The following SPIRE1 variants were observed in gnomAD, a reference collection of about 807,000 sequenced individuals.
The protein encoded by SPIRE1 is spire type actin nucleation factor 1.
In SPIRE1, 40 loss-of-function variants were observed where a neutral mutation model predicts 94.1. The observed-to-expected ratio is 0.43, with a 90% CI of 0.33 to 0.55. SPIRE1 has a LOEUF of 0.55. SPIRE1 is among the 20% of genes least tolerant of loss of function. The pLI, the probability that SPIRE1 is intolerant of heterozygous loss-of-function variation, is 0.06. For synonymous variants in SPIRE1, 376 were observed against 371.7 expected (o/e 1.01, Z -0.13); for missense variants, 838 against 975.2 (o/e 0.86, Z 1.87).
intron 5 of SPIRE1, among the ~76,000 whole-genome samples, chr18:12,508,673 T>C (rs2033919588): frequency 6.6e-6 from 1 of 151,598 alleles, no homozygotes; most frequent in South Asian, 2.1e-4. Context: ...CAAACACACT[T>C]GGTTTTTTTT....
At chr18:12,500,364 T>C (rs943740229) in intron 6 of SPIRE1, among the ~76,000 whole-genome samples, 9 of 152,148 alleles carry the variant, frequency 5.9e-5, no homozygotes. Flanking sequence ...AAAACATATA[T>C]GACATTGTGA....
intron 2 of SPIRE1, among the ~76,000 whole-genome samples, chr18:12,576,781 T>C (rs1041979451): frequency 1.4e-5 from 2 of 147,924 alleles, no homozygotes; most frequent in African/African-American, 2.5e-5. Flanking sequence ...TCCAGCTACT[T>C]GGGAGGTTGA....
rs72881159 is a variant in SPIRE1, at chr18:12,653,669, C to T, written c.337+3861G>A. Among the ~76,000 whole-genome samples, 703 of 152,254 alleles carry T rather than the reference C, an allele frequency of 4.6e-3. 4 individuals are homozygous for T. Among genetic ancestry groups the T allele is most frequent in the South Asian group, 9.5e-3 (46 of 4,824 alleles). ...CGTCCATTTAGAAAATATATCAGGCCGGGCGTGGTGGCTTACACCTGTAAT... is the reference window on the plus strand; with the variant it reads ...CGTCCATTTAGAAAATATATCAGGCTGGGCGTGGTGGCTTACACCTGTAAT... On this transcript the variant is annotated intron_variant, in intron 1 of 16. Coordinates refer to ENST00000409402, the MANE Select transcript of SPIRE1 (RefSeq NM_001128626.2).
chr18:12,499,456 T>C (rs2033579944), intron 6 of SPIRE1, among the ~76,000 whole-genome samples: 1 of 152,152 alleles, frequency 6.6e-6, no homozygotes, highest in Admixed American at 6.5e-5. Context: ...TTTTGATTAT[T>C]TGGGATTCCT....
intron 12 of SPIRE1, among the ~76,000 whole-genome samples, chr18:12,457,050 C>T (rs1453157703): frequency 6.6e-5 from 10 of 152,124 alleles, no homozygotes; most frequent in East Asian, 1.9e-4. Flanking sequence ...AGGCTGGTCT[C>T]GAACTCCTGT....
chr18:12,615,347 T>TAAAAAAAAAA (rs1288874045), intron 2 of SPIRE1, among the ~76,000 whole-genome samples: 2 of 11,762 alleles, frequency 1.7e-4, no homozygotes, highest in Non-Finnish European at 3.6e-4. Flanking sequence ...AAAAAAAAAA[T>TAAAAAAAAAA]ATATATATAT....
intron 5 of SPIRE1, among the ~76,000 whole-genome samples, chr18:12,511,329 G>T (rs1452096167): frequency 6.6e-6 from 1 of 152,206 alleles, no homozygotes; most frequent in African/African-American, 2.4e-5. Flanking sequence ...CTCCTGTTAA[G>T]ATCAGCAGCG....
At chr18:12,599,343 C>G (rs1343104139) in intron 2 of SPIRE1, among the ~76,000 whole-genome samples, 1 of 152,172 alleles carries the variant, frequency 6.6e-6, no homozygotes, top group Non-Finnish European at 1.5e-5. Context: ...CAACCAAGCT[C>G]ATAACCTTGA....
intron 9 of SPIRE1, 43 bp from the exon 10 acceptor site, chr18:12,479,914 G>T: frequency 1.3e-6 from 2 of 1,577,622 alleles, no homozygotes; most frequent in South Asian, 1.2e-5. Flanking sequence ...AGCCAAGAAA[G>T]GTTATCTGTG....
chr18:12,607,322 TTTGA>T (rs1301177143), intron 2 of SPIRE1, among the ~76,000 whole-genome samples: 1 of 152,212 alleles, frequency 6.6e-6, no homozygotes, highest in African/African-American at 2.4e-5. Context: ...TCAATTCCAG[TTTGA>T]TTCTCTCCTA....
At chr18:12,635,029 C>T (rs1487235346) in intron 2 of SPIRE1, 33 bp downstream of exon 2, 4 of 1,340,984 alleles carry the variant, frequency 3.0e-6, no homozygotes, top group Middle Eastern at 3.6e-4. Context: ...TGCAAAGCTG[C>T]TTTACTAAGA....
chr18:12,520,211 T>C (rs766715387), intron 4 of SPIRE1, among the ~76,000 whole-genome samples: 10 of 152,202 alleles, frequency 6.6e-5, no homozygotes, highest in African/African-American at 9.6e-5. Context: ...GCTTGTTAGT[T>C]ATACATAAAA....
At chr18:12,461,598 C>CATACAT (rs1568184411) in intron 12 of SPIRE1, among the ~76,000 whole-genome samples, 129 of 57,328 alleles carry the variant, frequency 2.3e-3, no homozygotes, top group East Asian at 0.014. Flanking sequence ...TACATACATA[C>CATACAT]ACACACATAT....
At chr18:12,658,135 C>G (rs2038614192), upstream of SPIRE1, 1 of 962,840 alleles carries the variant, frequency 1.0e-6, no homozygotes, top group Admixed American at 6.2e-5. Context: ...CGCCCCGCCT[C>G]GCGCCGTCCA....
At position 12,657,925 on chromosome 18, in the gene SPIRE1, G is replaced by A; in HGVS notation, c.-59C>T. On this transcript the variant is annotated 5_prime_UTR_variant, in exon 1 of 17. Transcript: ENST00000409402. ...CGTGTGCCGGCGTCTCCTCAGCTCC[G>A]GAGCATCGTCGTCGCGCGCCGCCGC... 1 of 1,019,922 alleles carries A rather than the reference G, an allele frequency of 9.8e-7. No homozygotes were observed. Among genetic ancestry groups the A allele is most frequent in the Non-Finnish European group, 1.2e-6 (1 of 854,770 alleles). 63.2% of individuals were successfully genotyped at this position (1,019,922 alleles called of 1,614,324 possible). A position where few individuals can be genotyped will look rare whatever the true frequency, so the allele number is the denominator to read the frequency against.
intron 12 of SPIRE1, among the ~76,000 whole-genome samples, chr18:12,461,077 C>G (rs1468637334): frequency 2.0e-5 from 3 of 152,048 alleles, no homozygotes; most frequent in Admixed American, 2.0e-4. Flanking sequence ...CTCCTTCCTG[C>G]TCCACAAAAA....
At chr18:12,561,454 C>T (rs1354390147) in intron 2 of SPIRE1, among the ~76,000 whole-genome samples, 1 of 151,804 alleles carries the variant, frequency 6.6e-6, no homozygotes, top group Non-Finnish European at 1.5e-5. Context: ...TTAGTAGAGA[C>T]GGGGTTTCTC....
chr18:12,597,721 G>A (rs557970514), intron 2 of SPIRE1, among the ~76,000 whole-genome samples: 43 of 152,270 alleles, frequency 2.8e-4, no homozygotes, highest in South Asian at 1.0e-3. Context: ...TACGGTCTCC[G>A]CTGTTTTTTA....
At chr18:12,452,540 G>A (rs761033736) in intron 14 of SPIRE1, 28 bp from the exon 15 acceptor site, 1 of 1,613,496 alleles carries the variant, frequency 6.2e-7, no homozygotes, top group Non-Finnish European at 8.5e-7. Context: ...AATGTTATTT[G>A]GCATGATACC....
Sources: allele counts gnomAD v4.1 joint callset (sites outside exome capture counted in the v4.1 genomes callset), GRCh38; gene constraint gnomAD v4.1.1; transcripts MANE v1.5; gene names NCBI Gene and HGNC (gene_info 2026-07-23, HGNC 2026-07-21).